Variants in PCDHGB6 observed in about 807,000 individuals in gnomAD.
PCDHGB6 encodes the protein protocadherin gamma subfamily B, 6.
Under a neutral mutation model 59.1 loss-of-function variants are expected in PCDHGB6, and 51 were observed. The ratio of observed to expected loss-of-function variants is 0.86; its 90% CI spans 0.69 to 1.09. The LOEUF is 1.09. Ranked by LOEUF, PCDHGB6 falls within the 50% of genes least tolerant of loss-of-function variation. The pLI, the probability that PCDHGB6 is intolerant of heterozygous loss-of-function variation, is 0.00. For missense variants in PCDHGB6, 1,148 were observed against 1,205.1 expected (o/e 0.95, Z 0.70); for synonymous variants, 466 against 495.1 (o/e 0.94, Z 0.78).
chr5:141,477,737 G>T lies in PCDHGB6; in HGVS notation c.2419-17070G>T, dbSNP rs1178108717. 1.2e-6 allele frequency: 2 copies of T among 1,613,846 alleles called. No homozygotes were observed. Among genetic ancestry groups the T allele is most frequent in the South Asian group, 1.1e-5 (1 of 91,088 alleles). ...ATTTGAATTAACAGCTCATATCAGC[G>T]ATGGGGGCACCCCGGTCCTAGCCAC... On this transcript the variant is annotated intron_variant, in intron 1 of 3. Coordinates refer to ENST00000520790, the MANE Select transcript of PCDHGB6 (RefSeq NM_018926.3). This position sits in a 1 kb window ranked among gnomAD's most constrained non-coding sequence, Gnocchi z 4.9.
chr5:141,469,296 A>T (rs2099196287), intron 1 of PCDHGB6, among the ~76,000 whole-genome samples: 1 of 149,742 alleles, frequency 6.7e-6, no homozygotes, highest in Non-Finnish European at 1.5e-5. Context: ...AACAAAATAG[A>T]CTGGGCACGA....
Position 141,491,498 on chromosome 5 carries a change from C to T in PCDHGB6, c.2419-3309C>T, listed in dbSNP as rs975297143. 2 of 1,614,102 alleles carry T rather than the reference C, an allele frequency of 1.2e-6. No homozygotes were observed. Among genetic ancestry groups the T allele is most frequent in the Non-Finnish European group, 1.7e-6 (2 of 1,180,018 alleles). ...TCCAGCCCCAACCTGCAGGTGAGCT[C>T]GGACGGCACGCTCAAGTACATGGAG... On this transcript the variant is annotated intron_variant, in intron 1 of 3. Transcript: ENST00000520790. The surrounding 1 kb of genome is among the most constrained non-coding windows in gnomAD (Gnocchi z 6.9).
chr5:141,408,334 C>T lies in PCDHGB6; in HGVS notation c.132C>T (p.Gly44=), dbSNP rs2095086638. 2 of 1,613,910 alleles carry T rather than the reference C, an allele frequency of 1.2e-6. No homozygotes were observed. The highest frequency in any genetic ancestry group is 2.2e-5 in the East Asian group (1 of 44,886). ...CGATTCCGGAGGAGCTGGCCAAGGG[C>T]TCGGTGGTGGGGAACCTCGCTAAGG... ...RYSIPEELAK[G]SVVGNLAKDL... is the part of the protein sequence containing the mutation. Residue 44 remains glycine (G), a synonymous_variant, in exon 1 of 4, where the codon GGC becomes GGT. Transcript: ENST00000520790.
intron 1 of PCDHGB6, among the ~76,000 whole-genome samples, chr5:141,474,227 G>A (rs1394834744): frequency 6.6e-6 from 1 of 152,190 alleles, no homozygotes; most frequent in Non-Finnish European, 1.5e-5. Flanking sequence ...TGTGAATTAA[G>A]TGATGCTGAA....
At chr5:141,462,020 T>G (rs1371390043) in intron 1 of PCDHGB6, among the ~76,000 whole-genome samples, 6 of 152,110 alleles carry the variant, frequency 3.9e-5, no homozygotes, top group Non-Finnish European at 8.8e-5. Flanking sequence ...ACGGGGTTTC[T>G]TCATGTTGGT....
chr5:141,446,458 G>A (rs2098502933), intron 1 of PCDHGB6, among the ~76,000 whole-genome samples: 1 of 151,662 alleles, frequency 6.6e-6, no homozygotes, highest in African/African-American at 2.4e-5. Flanking sequence ...TATTCAGTGT[G>A]TGATTAGACA....
chr5:141,485,689 G>A lies in PCDHGB6; in HGVS notation c.2419-9118G>A. On this transcript the variant is annotated intron_variant, in intron 1 of 3. Transcript: ENST00000520790. This position sits in a 1 kb window ranked among gnomAD's most constrained non-coding sequence, Gnocchi z 5.7. ...GCAATTCGATTAGCAGCTATAGGCT[G>A]AGCTCCAATGAACACTTTGCACTGG... The A allele has an allele frequency of 6.2e-7, 1 of 1,614,086 alleles. No individual in the cohort carries two copies. The highest frequency in any genetic ancestry group is 8.5e-7 in the Non-Finnish European group (1 of 1,179,970).
chr5:141,421,592 T>C (rs1590304832), intron 1 of PCDHGB6: 1 of 1,613,272 alleles, frequency 6.2e-7, no homozygotes, highest in Non-Finnish European at 8.5e-7. Context: ...GGAGTGGAGG[T>C]GGAAATAATA....
chr5:141,488,095 A>G (rs78361634), intron 1 of PCDHGB6, among the ~76,000 whole-genome samples: 8,142 of 152,146 alleles, frequency 0.054, 446 homozygotes, highest in African/African-American at 0.15. Flanking sequence ...CTGTGAAGGG[A>G]CCTCTCTATT....
In PCDHGB6 at chr5:141,477,292, A is replaced by G; in HGVS notation, c.2419-17515A>G. The G allele has an allele frequency of 1.2e-6, 2 of 1,614,114 alleles. No individual in the cohort carries two copies. The highest frequency in any genetic ancestry group is 4.5e-5 in the East Asian group (2 of 44,862). On this transcript the variant is annotated intron_variant, in intron 1 of 3. Transcript: ENST00000520790. The surrounding 1 kb of genome is among the most constrained non-coding windows in gnomAD (Gnocchi z 4.9). ...ACGGGCTGGTGACCTGCGAAGTTCCACCGGGTCTCCCTTTCAGCCTTACTT... is the reference window on the plus strand; with the variant it reads ...ACGGGCTGGTGACCTGCGAAGTTCCGCCGGGTCTCCCTTTCAGCCTTACTT...
chr5:141,418,523 C>T (rs2096266495), intron 1 of PCDHGB6: 1 of 1,613,958 alleles, frequency 6.2e-7, no homozygotes, highest in Non-Finnish European at 8.5e-7. Context: ...GGACCCTCCC[C>T]GAAGCGGTAC....
chr5:141,437,512 G>A (rs1201910374), intron 1 of PCDHGB6, among the ~76,000 whole-genome samples: 2 of 152,144 alleles, frequency 1.3e-5, no homozygotes, highest in African/African-American at 2.4e-5. Flanking sequence ...TGAATTATAA[G>A]GCTGATGACA....
Position 141,486,427 on chromosome 5 carries a change from A to G in PCDHGB6, c.2419-8380A>G. On this transcript the variant is annotated intron_variant, in intron 1 of 3. Transcript: ENST00000520790. This position sits in a 1 kb window ranked among gnomAD's most constrained non-coding sequence, Gnocchi z 5.0. ...CTGGACCCTTGGATCGAGAGGCCAA[A>G]TCTAGCTATGACATCATGGTCACTG... The G allele has an allele frequency of 6.2e-7, 1 of 1,614,160 alleles. No homozygotes were observed. Among genetic ancestry groups the G allele is most frequent in the Non-Finnish European group, 8.5e-7 (1 of 1,180,016 alleles).
chr5:141,462,336 T>C (rs2099037439), intron 1 of PCDHGB6, among the ~76,000 whole-genome samples: 1 of 152,238 alleles, frequency 6.6e-6, no homozygotes, highest in African/African-American at 2.4e-5. Flanking sequence ...TTTAATTGTA[T>C]TGTGATCCAA....
In PCDHGB6 at chr5:141,471,102, G is replaced by A. The variant is rs922174682; in HGVS notation, c.2419-23705G>A. 3.4e-5 allele frequency among the ~76,000 whole-genome samples: 5 copies of A among 146,522 alleles called. No individual in the cohort carries two copies. The Admixed American group carries it at 3.5e-4, about 10-fold the overall frequency. On this transcript the variant is annotated intron_variant, in intron 1 of 3. Coordinates refer to ENST00000520790, the MANE Select transcript of PCDHGB6 (RefSeq NM_018926.3). ...CTCCCTCTGTTGTCCAGGCTAGAGTGCAGTGGTGCGATCTTACCTTCACTG... is the reference window on the plus strand; with the variant it reads ...CTCCCTCTGTTGTCCAGGCTAGAGTACAGTGGTGCGATCTTACCTTCACTG...
intron 1 of PCDHGB6, 60 bp downstream of exon 1, chr5:141,410,680 G>A: frequency 6.5e-7 from 1 of 1,535,692 alleles, no homozygotes; most frequent in Non-Finnish European, 8.7e-7. Flanking sequence ...TCATATTTTA[G>A]GCATACTACT....
intron 1 of PCDHGB6, chr5:141,478,803 T>G: frequency 2.1e-6 from 3 of 1,463,244 alleles, no homozygotes; most frequent in Non-Finnish European, 2.7e-6. Context: ...AGCACTCTTT[T>G]GCTATCACAA....
chr5:141,448,896 G>C (rs560617459), intron 1 of PCDHGB6, among the ~76,000 whole-genome samples: 5 of 152,302 alleles, frequency 3.3e-5, no homozygotes, highest in African/African-American at 1.2e-4. Context: ...AGTGAGCCGA[G>C]ATCGTGCCAC....
At chr5:141,503,010 A>AT (rs199924715) in intron 2 of PCDHGB6, among the ~76,000 whole-genome samples, 26,593 of 146,658 alleles carry the variant, frequency 0.18, 2,532 homozygotes, top group Admixed American at 0.29. Context: ...TGCCCGGTTA[A>AT]TTTTTTTTTT....
Sources: allele counts gnomAD v4.1 joint callset (sites outside exome capture counted in the v4.1 genomes callset), GRCh38; gene constraint gnomAD v4.1.1; non-coding constraint Gnocchi (gnomAD v3.1); transcripts MANE v1.5; gene names NCBI Gene and HGNC (gene_info 2026-07-23, HGNC 2026-07-21).